The following BEST3 variants were observed in gnomAD, a reference collection of about 807,000 sequenced individuals.
BEST3 encodes the protein bestrophin-3.
Under a neutral mutation model 47.1 loss-of-function variants are expected in BEST3, and 50 were observed. The ratio of observed to expected loss-of-function variants is 1.06; its 90% CI spans 0.85 to 1.34. BEST3 has a LOEUF of 1.34. Ranked by LOEUF, BEST3 falls within the 40% of genes most tolerant of loss-of-function variation. BEST3 has a pLI of 0.00. For missense variants in BEST3, 765 were observed against 817.0 expected (o/e 0.94, Z 0.78); for synonymous variants, 282 against 298.8 (o/e 0.94, Z 0.58).
intron 4 of BEST3, among the ~76,000 whole-genome samples, chr12:69,692,737 CTG>C (rs1197724075): frequency 1.3e-5 from 2 of 152,118 alleles, no homozygotes; most frequent in African/African-American, 4.8e-5. Flanking sequence ...TGCTGGAAAA[CTG>C]TAAGTTAATG....
At chr12:69,673,695 C>T (rs987635996) in intron 7 of BEST3, among the ~76,000 whole-genome samples, 7 of 152,084 alleles carry the variant, frequency 4.6e-5, no homozygotes, top group Admixed American at 6.5e-5. Context: ...CTGCCCTTCT[C>T]GACCTCCCAA....
intron 3 of BEST3, 193 bp from the exon 4 acceptor site, chr12:69,694,100 G>T: frequency 1.7e-6 from 1 of 586,102 alleles, no homozygotes; most frequent in Non-Finnish European, 3.0e-6. Flanking sequence ...CTGTAAGTGG[G>T]TATTAGATCT....
chr12:69,679,706 C>CA (rs1296700624), intron 4 of BEST3, among the ~76,000 whole-genome samples: 3 of 152,088 alleles, frequency 2.0e-5, no homozygotes, highest in African/African-American at 4.8e-5. Context: ...ACTAAAAATA[C>CA]AAAAATTAGC....
intron 9 of BEST3, chr12:69,670,660 C>T: frequency 1.5e-6 from 1 of 655,312 alleles, no homozygotes; most frequent in Non-Finnish European, 2.8e-6. Flanking sequence ...GACACAAACC[C>T]ACTGCACAAA....
downstream of BEST3, among the ~76,000 whole-genome samples, chr12:69,648,766 G>C (rs1883118742): frequency 6.6e-6 from 1 of 152,174 alleles, no homozygotes; most frequent in Non-Finnish European, 1.5e-5. Flanking sequence ...GGAAGTCTGA[G>C]GCAGAGGAAT....
At chr12:69,669,469 A>G (rs139567034) in intron 9 of BEST3, among the ~76,000 whole-genome samples, 152 of 152,306 alleles carry the variant, frequency 1.0e-3, no homozygotes, top group African/African-American at 3.4e-3. Flanking sequence ...CTGACAACTG[A>G]TAATTTTTTG....
At chr12:69,665,743 C>T (rs1169389728) in intron 9 of BEST3, among the ~76,000 whole-genome samples, 1 of 152,188 alleles carries the variant, frequency 6.6e-6, no homozygotes, top group Non-Finnish European at 1.5e-5. Context: ...TTAGTGAATA[C>T]AGTCTGGTCT....
At chr12:69,680,255 T>A (rs1885162383) in intron 4 of BEST3, among the ~76,000 whole-genome samples, 1 of 150,186 alleles carries the variant, frequency 6.7e-6, no homozygotes. Flanking sequence ...GCCTGCTATA[T>A]ACCAGGGTTT....
intron 9 of BEST3, among the ~76,000 whole-genome samples, chr12:69,669,427 T>C (rs942891976): frequency 5.9e-5 from 9 of 152,250 alleles, no homozygotes; most frequent in Non-Finnish European, 1.2e-4. Flanking sequence ...ATCCTGCTGG[T>C]AAATAGGCCA....
intron 9 of BEST3, among the ~76,000 whole-genome samples, chr12:69,656,946 C>A (rs1170896896): frequency 6.6e-6 from 1 of 152,044 alleles, no homozygotes; most frequent in African/African-American, 2.4e-5. Flanking sequence ...GAAATTGGAA[C>A]CTTGTGGAAA....
intron 9 of BEST3, among the ~76,000 whole-genome samples, chr12:69,665,481 T>C (rs1884141311): frequency 6.6e-6 from 1 of 152,134 alleles, no homozygotes; most frequent in Admixed American, 6.5e-5. Flanking sequence ...TAATCCCAGC[T>C]ACTTGGGAGG....
chr12:69,680,352 A>G (rs1233638559), intron 4 of BEST3, among the ~76,000 whole-genome samples: 1 of 114,736 alleles, frequency 8.7e-6, no homozygotes, highest in Non-Finnish European at 1.7e-5. Flanking sequence ...TCTGTCACCC[A>G]GGCTGGAGTG....
At chr12:69,691,252 T>C (rs1265041304) in intron 4 of BEST3, among the ~76,000 whole-genome samples, 1 of 152,230 alleles carries the variant, frequency 6.6e-6, no homozygotes, top group Non-Finnish European at 1.5e-5. Context: ...GCTAACTTTT[T>C]TAATCCTCAT....
chr12:69,648,860 A>G (rs1883122840), downstream of BEST3, among the ~76,000 whole-genome samples: 1 of 152,220 alleles, frequency 6.6e-6, no homozygotes, highest in Non-Finnish European at 1.5e-5. Flanking sequence ...CTTTCTACAT[A>G]AAGTACCAAA....
chr12:69,676,886 A>G, intron 7 of BEST3, 30 bp downstream of exon 7: 3 of 1,605,952 alleles, frequency 1.9e-6, no homozygotes, highest in Non-Finnish European at 2.6e-6. Context: ...ATAACACATT[A>G]CAAAGTGGGG....
intron 7 of BEST3, among the ~76,000 whole-genome samples, chr12:69,676,710 T>A (rs576475746): frequency 6.6e-6 from 1 of 152,344 alleles, no homozygotes; most frequent in African/African-American, 2.4e-5. Flanking sequence ...GTTCTTCTAA[T>A]GTCTTTGCAC....
At chr12:69,672,686 A>G (rs1371776061) in intron 8 of BEST3, among the ~76,000 whole-genome samples, 199 bp downstream of exon 8, 1 of 152,180 alleles carries the variant, frequency 6.6e-6, no homozygotes, top group East Asian at 1.9e-4. Flanking sequence ...CTTAAAAGGA[A>G]CTAAATTTCA....
At position 69,655,588 on chromosome 12, in the gene BEST3, G is replaced by T. The variant is rs558239407; in HGVS notation, c.1326C>A (p.Asn442Lys). Residue 442 changes from asparagine (N) to lysine (K), a missense_variant, in exon 10 of 10, where the codon AAC (asparagine) becomes AAA (lysine). Physicochemically the swap from Asn to Lys is moderately conservative, Grantham distance 94. Coordinates refer to ENST00000330891, the MANE Select transcript of BEST3 (RefSeq NM_032735.3). ...TCCAGGTGGGTGAGGCCCTGGGGGG[G>T]TTTCTTGAGGGCACATCCAGTAGGT... ...ARDLLDVPSRNPPRASPTWKK... is the reference protein window; with the variant it reads ...ARDLLDVPSRKPPRASPTWKK... 4.1e-4 allele frequency: 658 copies of T among 1,614,054 alleles called. 6 individuals carry two copies. The South Asian group carries it at 6.7e-3, about 16-fold the overall frequency.
At chr12:69,670,592 G>C (rs1231964447) in intron 9 of BEST3, 2 of 701,906 alleles carry the variant, frequency 2.8e-6, no homozygotes, top group Non-Finnish European at 5.2e-6. Context: ...AAAGTAGAAG[G>C]AGGAGGGCAG....
Sources: allele counts gnomAD v4.1 joint callset (sites outside exome capture counted in the v4.1 genomes callset), GRCh38; gene constraint gnomAD v4.1.1; transcripts MANE v1.5; gene names NCBI Gene and HGNC (gene_info 2026-07-23, HGNC 2026-07-21).